CFHR5: variants seen among roughly 807,000 people sequenced by gnomAD.
CFHR5 encodes complement factor H-related protein 5.
A neutral mutation model predicts 62.9 loss-of-function variants in CFHR5; 73 were observed. The observed-to-expected ratio is 1.16, with a 90% CI of 0.96 to 1.41. The LOEUF is 1.41. Among genes scored for constraint, CFHR5 ranks in the 40% most tolerant of loss-of-function variants. The pLI, the probability that CFHR5 is intolerant of heterozygous loss-of-function variation, is 0.00. For missense variants in CFHR5, 779 were observed against 679.9 expected (o/e 1.15, Z -1.62); for synonymous variants, 249 against 227.2 (o/e 1.10, Z -0.86).
Position 196,982,965 on chromosome 1 carries a change from ACAG to A in CFHR5, c.140_142del (p.Thr47_Gly48delinsArg), listed in dbSNP as rs761721379. The A allele has an allele frequency of 4.3e-6, 7 of 1,613,992 alleles. No homozygotes were observed. The highest frequency in any genetic ancestry group is 5.9e-6 in the Non-Finnish European group (7 of 1,180,026). On this transcript the variant is annotated inframe_deletion, in exon 2 of 10. Coordinates refer to ENST00000256785, the MANE Select transcript of CFHR5 (RefSeq NM_030787.4). The stretch of plus-strand genomic sequence containing the variant: ...TTATAACCCTTTTTCCCAAGTTCCT[ACAG>A]GGGAAGTTTTCTATTACTCCTGTGA...
At position 196,996,006 on chromosome 1, in the gene CFHR5, T is replaced by C. The variant is rs754545010; in HGVS notation, c.791-16T>C. The C allele has an allele frequency of 1.1e-5, 18 of 1,612,600 alleles. No homozygotes were observed. The highest frequency in any genetic ancestry group is 1.7e-5 in the Admixed American group (1 of 59,956). On this transcript the variant is annotated splice_polypyrimidine_tract_variant and intron_variant, in intron 5 of 9. Coordinates refer to ENST00000256785, the MANE Select transcript of CFHR5 (RefSeq NM_030787.4). The stretch of plus-strand genomic sequence containing the variant: ...ATATTTTCAGAGTAAGCACTCATTT[T>C]ATTACATTTTCTTAGAACAAGTGAA...
chr1:196,975,576 G>T (rs537483032), upstream of CFHR5, among the ~76,000 whole-genome samples: 1 of 152,238 alleles, frequency 6.6e-6, no homozygotes, highest in South Asian at 2.1e-4. Flanking sequence ...AAAAGGATGC[G>T]TGTGAACAGC....
chr1:196,983,778 GTA>G lies in CFHR5; in HGVS notation c.254-170_254-169del, dbSNP rs1025271279. The stretch of plus-strand genomic sequence containing the variant: ...GCAACAACATGAAATATTAACTTTC[GTA>G]TATATATATATAGGAACAAAAAATA... On this transcript the variant is annotated intron_variant, in intron 2 of 9. Transcript: ENST00000256785. 6.6e-5 allele frequency among the ~76,000 whole-genome samples: 10 copies of G among 150,972 alleles called. No homozygotes were observed. The East Asian group carries it at 7.8e-4, about 12-fold the overall frequency.
intron 3 of CFHR5, among the ~76,000 whole-genome samples, chr1:196,992,985 T>C (rs939511522): frequency 1.3e-5 from 2 of 152,278 alleles, no homozygotes; most frequent in Middle Eastern, 3.4e-3. Context: ...GAATGTCAAT[T>C]ATTTATTTTA....
intron 3 of CFHR5, among the ~76,000 whole-genome samples, chr1:196,989,775 G>T (rs1404476392): frequency 6.6e-6 from 1 of 152,128 alleles, no homozygotes; most frequent in East Asian, 1.9e-4. Flanking sequence ...TTGCTGAGGA[G>T]TGCTTTACTT....
At chr1:196,975,952 G>A (rs1287057013), upstream of CFHR5, among the ~76,000 whole-genome samples, 2 of 152,138 alleles carry the variant, frequency 1.3e-5, no homozygotes, top group Non-Finnish European at 2.9e-5. Context: ...TAATTTAGAT[G>A]TGGTGGGAAG....
At position 197,004,781 on chromosome 1, in the gene CFHR5, T is replaced by C; in HGVS notation, c.1451T>C (p.Leu484Pro). ...VTYRCQSFYK[L>P]QGSVTVTCRN... is the part of the protein sequence containing the mutation. ...TACCGTTGCCAGTCCTTCTATAAAC[T>C]CCAGGGCTCTGTAACTGTAACATGC... Residue 484 changes from leucine (L) to proline (P), a missense_variant, in exon 9 of 10, where the codon CTC (leucine) becomes CCC (proline). Leu to Pro is a moderately conservative substitution (Grantham distance 98). Transcript: ENST00000256785. 1 of 1,613,806 alleles carries C rather than the reference T, an allele frequency of 6.2e-7. No individual in the cohort carries two copies. Among genetic ancestry groups the C allele is most frequent in the Non-Finnish European group, 8.5e-7 (1 of 1,179,830 alleles).
At chr1:196,991,637 CTGTT>C in intron 3 of CFHR5, among the ~76,000 whole-genome samples, 1 of 152,280 alleles carries the variant, frequency 6.6e-6, no homozygotes, top group East Asian at 1.9e-4. Flanking sequence ...AGCTGCAGGT[CTGTT>C]GGATTTTGCT....
At chr1:197,003,424 G>A (rs1179804223) in intron 8 of CFHR5, among the ~76,000 whole-genome samples, 1 of 152,098 alleles carries the variant, frequency 6.6e-6, no homozygotes, top group African/African-American at 2.4e-5. Context: ...GGTTTGTGTA[G>A]GCTCACTCCA....
At chr1:196,990,054 C>T (rs1653804069) in intron 3 of CFHR5, among the ~76,000 whole-genome samples, 1 of 151,980 alleles carries the variant, frequency 6.6e-6, no homozygotes, top group African/African-American at 2.4e-5. Flanking sequence ...CTGGGTTCTC[C>T]TGTTGGGTGC....
At chr1:196,994,042 A>G (rs749624517) in intron 3 of CFHR5, 38 bp from the exon 4 acceptor site, 1 of 1,522,460 alleles carries the variant, frequency 6.6e-7, no homozygotes, top group Non-Finnish European at 9.1e-7. Flanking sequence ...TGTTTCTGCA[A>G]TGAAAATTCA....
rs1654380216 is a variant in CFHR5, at chr1:197,009,454, A to G, written c.*771A>G. 6.6e-6 allele frequency: 1 copy of G among 152,182 alleles called. No individual in the cohort carries two copies. The highest frequency in any genetic ancestry group is 6.5e-5 in the Admixed American group (1 of 15,278). 9.4% of individuals were successfully genotyped at this position (152,182 alleles called of 1,614,324 possible). A position where few individuals can be genotyped will look rare whatever the true frequency, so the allele number is the denominator to read the frequency against. On this transcript the variant is annotated 3_prime_UTR_variant, in exon 10 of 10. Transcript: ENST00000256785. ...CCTCCTGTTTGTCTCAAATTATAGG[A>G]TAACTTTGAAACTTTCTGAATTAAC... is the stretch of plus-strand genomic sequence containing the variant.
chr1:196,995,883 T>C lies in CFHR5; in HGVS notation c.774T>C (p.Thr258=). 1 of 1,613,102 alleles carries C rather than the reference T, an allele frequency of 6.2e-7. No individual in the cohort carries two copies. The highest frequency in any genetic ancestry group is 2.2e-5 in the East Asian group (1 of 44,818). ...KIQCVDGEWT[T]LPTCVEQVKT... Reference sequence around the variant, plus strand: ...AATGTGTGGATGGAGAATGGACAACTTTACCCACTTGTGTTGGTAAATAAA... The same window carrying C: ...AATGTGTGGATGGAGAATGGACAACCTTACCCACTTGTGTTGGTAAATAAA... The change falls in exon 5 of 10, where the codon ACT becomes ACC. Residue 258 remains threonine (T), a synonymous_variant. Coordinates refer to ENST00000256785, the MANE Select transcript of CFHR5 (RefSeq NM_030787.4).
chr1:197,004,675 T>C lies in CFHR5; in HGVS notation c.1345T>C (p.Cys449Arg). Residue 449 changes from cysteine (C) to arginine (R), a missense_variant, in exon 9 of 10, where the codon TGT (cysteine) becomes CGT (arginine). Cys to Arg is a radical substitution (Grantham distance 180). Coordinates refer to ENST00000256785, the MANE Select transcript of CFHR5 (RefSeq NM_030787.4). ...CTGTTTTCCAGAGTCTACTGCATAT[T>C]GTGGGCCCCCTCCATCTATTAACAA... ...LPRCVESTAYCGPPPSINNGD... is the reference protein window; with the variant it reads ...LPRCVESTAYRGPPPSINNGD... 6.2e-7 allele frequency: 1 copy of C among 1,613,438 alleles called. No individual in the cohort carries two copies. Among genetic ancestry groups the C allele is most frequent in the Non-Finnish European group, 8.5e-7 (1 of 1,179,418 alleles).
chr1:197,008,710 T>C lies in CFHR5; in HGVS notation c.*27T>C. 3.9e-6 allele frequency: 6 copies of C among 1,555,846 alleles called. No individual in the cohort carries two copies. Among genetic ancestry groups the C allele is most frequent in the Non-Finnish European group, 5.3e-6 (6 of 1,127,282 alleles). ...GCAAGCATAATTTTCCTGAATATAT[T>C]CTTCAAACATCCATCTATGCTAAAA... is the stretch of plus-strand genomic sequence containing the variant. On this transcript the variant is annotated 3_prime_UTR_variant, in exon 10 of 10. Coordinates refer to ENST00000256785, the MANE Select transcript of CFHR5 (RefSeq NM_030787.4).
intron 1 of CFHR5, among the ~76,000 whole-genome samples, chr1:196,979,318 C>T (rs550569025): frequency 2.0e-5 from 3 of 150,254 alleles, no homozygotes; most frequent in South Asian, 2.1e-4. Flanking sequence ...GATAGGAAAA[C>T]GTTCTGAGAA....
chr1:196,984,020 C>T lies in CFHR5; in HGVS notation c.313C>T (p.Leu105=), dbSNP rs1327760755. 1.2e-6 allele frequency: 2 copies of T among 1,612,582 alleles called. No individual in the cohort carries two copies. The highest frequency in any genetic ancestry group is 2.2e-5 in the South Asian group (2 of 91,024). ...TTCTGAATCTTCAGGACTAATACAT[C>T]TGGAAGGTGATACTGTACAAATTAT... ...GHSESSGLIH[L]EGDTVQIICN... The change falls in exon 3 of 10, where the codon CTG becomes TTG. Residue 105 remains leucine, a synonymous_variant. Transcript: ENST00000256785.
At chr1:196,987,916 G>T (rs982322177) in intron 3 of CFHR5, among the ~76,000 whole-genome samples, 14 of 152,108 alleles carry the variant, frequency 9.2e-5, no homozygotes, top group South Asian at 2.1e-4. Flanking sequence ...AAAGTTAGTG[G>T]TAACTTGATG....
chr1:196,975,919 T>C (rs1653386432), upstream of CFHR5, among the ~76,000 whole-genome samples: 1 of 152,050 alleles, frequency 6.6e-6, no homozygotes, highest in South Asian at 2.1e-4. Context: ...AGGGACTGAC[T>C]GACAGTGATG....
Sources: allele counts gnomAD v4.1 joint callset (sites outside exome capture counted in the v4.1 genomes callset), GRCh38; gene constraint gnomAD v4.1.1; transcripts MANE v1.5; gene names NCBI Gene and HGNC (gene_info 2026-07-23, HGNC 2026-07-21).